The following TNIK variants were observed in gnomAD, a reference collection of about 807,000 sequenced individuals.
TNIK encodes TRAF2 and NCK-interacting protein kinase.
TNIK carries 49 observed loss-of-function variants against 191.3 expected under a neutral mutation model. The ratio of observed to expected loss-of-function variants is 0.26; its 90% confidence interval spans 0.20 to 0.32. The LOEUF (loss-of-function observed/expected upper bound fraction) is 0.32. Ranked by LOEUF, TNIK falls within the 10% of genes least tolerant of loss-of-function variation. TNIK has a pLI of 1.00. For synonymous variants in TNIK, 594 were observed against 600.9 expected, an observed-to-expected ratio of 0.99 and a Z score of 0.17; for missense variants, 1,155 against 1,702.3, an observed-to-expected ratio of 0.68 and a Z score of 5.66.
At chr3:171,199,071 C>A (rs1339082195) in intron 4 of TNIK, among the ~76,000 whole-genome samples, 1 of 152,110 alleles carries the variant, frequency 6.6e-6, no homozygotes, top group African/African-American at 2.4e-5. Flanking sequence ...CAGTAGGAAA[C>A]AATCCTACTC....
At chr3:171,301,101 G>A (rs189964766) in intron 2 of TNIK, among the ~76,000 whole-genome samples, 3 of 152,110 alleles carry the variant, frequency 2.0e-5, no homozygotes, top group Admixed American at 2.0e-4. Context: ...AATCTAGTGG[G>A]TACCAGTTTA....
chr3:171,137,386 A>T (rs550873203), intron 15 of TNIK, among the ~76,000 whole-genome samples: 1 of 152,284 alleles, frequency 6.6e-6, no homozygotes, highest in South Asian at 2.1e-4. Flanking sequence ...ACCAGCTATG[A>T]TCACCATAAA....
At chr3:171,131,405 G>GT in intron 15 of TNIK, among the ~76,000 whole-genome samples, 1 of 136,122 alleles carries the variant, frequency 7.3e-6, no homozygotes, top group Non-Finnish European at 1.5e-5. Flanking sequence ...TAGGGTACTG[G>GT]TTTTCACAGG....
At chr3:171,134,978 G>T (rs996570207) in intron 15 of TNIK, among the ~76,000 whole-genome samples, 8 of 152,204 alleles carry the variant, frequency 5.3e-5, no homozygotes, top group African/African-American at 1.9e-4. Flanking sequence ...GATTACAGAA[G>T]AGGTTGCAGT....
intron 1 of TNIK, among the ~76,000 whole-genome samples, chr3:171,383,835 A>G (rs925640211): frequency 2.0e-5 from 3 of 152,180 alleles, no homozygotes; most frequent in Non-Finnish European, 4.4e-5. Context: ...TAAAAACTAG[A>G]TTACATTCAA....
chr3:171,168,812 G>A (rs1041766783), intron 9 of TNIK, among the ~76,000 whole-genome samples: 1 of 152,162 alleles, frequency 6.6e-6, no homozygotes, highest in African/African-American at 2.4e-5. Context: ...CAACGTGCCT[G>A]AGCCATCTTT....
At chr3:171,314,298 C>A (rs1461536465) in intron 2 of TNIK, among the ~76,000 whole-genome samples, 1 of 152,174 alleles carries the variant, frequency 6.6e-6, no homozygotes, top group Non-Finnish European at 1.5e-5. Flanking sequence ...GCCTATCTGG[C>A]CTTCCCCCTC....
intron 1 of TNIK, among the ~76,000 whole-genome samples, chr3:171,447,622 A>G (rs1286393472): frequency 6.6e-6 from 1 of 152,214 alleles, no homozygotes; most frequent in Non-Finnish European, 1.5e-5. Flanking sequence ...GATTTTTCAG[A>G]GTCTTATGTG....
chr3:171,119,654 A>T (rs1428491543), intron 18 of TNIK, among the ~76,000 whole-genome samples: 1 of 152,142 alleles, frequency 6.6e-6, no homozygotes, highest in Non-Finnish European at 1.5e-5. Flanking sequence ...AGGGACATGT[A>T]TGAAGCTGGA....
intron 16 of TNIK, 98 bp downstream of exon 16, chr3:171,128,616 C>T: frequency 4.3e-6 from 6 of 1,390,832 alleles, no homozygotes; most frequent in Non-Finnish European, 5.7e-6. Flanking sequence ...ATAATTTGAT[C>T]CTGTGCCTGA....
chr3:171,333,334 T>G (rs1488447811), intron 2 of TNIK, among the ~76,000 whole-genome samples: 2 of 152,004 alleles, frequency 1.3e-5, no homozygotes, highest in African/African-American at 4.8e-5. Flanking sequence ...GGTGGGCAGA[T>G]CACCTGAGGT....
At chr3:171,155,537 G>A (rs751635891) in intron 12 of TNIK, among the ~76,000 whole-genome samples, 2 of 152,200 alleles carry the variant, frequency 1.3e-5, no homozygotes, top group African/African-American at 2.4e-5. Context: ...GCTGGCTGAC[G>A]TCTTCTGTGC....
chr3:171,261,383 C>T lies in TNIK; in HGVS notation c.124-33162G>A, dbSNP rs1418246822. On this transcript the variant is annotated intron_variant, in intron 2 of 32. Transcript: ENST00000436636. ...CAAGCAAAATCGATTGCTTCCTCTT[C>T]TCCTTATACATAATTTTAGTCACAA... is the stretch of plus-strand genomic sequence containing the variant. Among the ~76,000 whole-genome samples the T allele has an allele frequency of 4.6e-5, 7 of 152,148 alleles. No individual in the cohort carries two copies. In the South Asian group the frequency reaches 1.5e-3, roughly 32 times the overall value.
In TNIK at chr3:171,126,034, G is replaced by A. The variant is rs1728429641; in HGVS notation, c.1891C>T (p.His631Tyr). The change falls in exon 17 of 33, where the codon CAC (histidine) becomes TAC (tyrosine). Residue 631 changes from histidine (H) to tyrosine (Y), a missense_variant. Physicochemically the swap from His to Tyr is moderately conservative, Grantham distance 83. Around this residue, in one of 3 missense-constraint regions of TNIK, gnomAD observed 735 missense variants for 848.0 expected, o/e 0.87. Transcript: ENST00000436636. ...GFQEALNVTS[H>Y]RVEMPRQNSD... ...TTCTGGCGTGGCATCTCCACGCGGT[G>A]GGAGGTCACGTTCAGAGCCTCCTGA... 1 of 1,613,944 alleles carries A rather than the reference G, an allele frequency of 6.2e-7. No individual in the cohort carries two copies.
intron 1 of TNIK, among the ~76,000 whole-genome samples, chr3:171,455,406 CTTTTT>C (rs761736063): frequency 7.3e-6 from 1 of 137,502 alleles, no homozygotes; most frequent in East Asian, 2.1e-4. Flanking sequence ...ACCACACTGA[CTTTTT>C]TTTTTTTTTT....
Position 171,157,592 on chromosome 3 carries a change from C to A in TNIK, c.1089G>T (p.Glu363Asp). 6.4e-7 allele frequency: 1 copy of A among 1,557,150 alleles called. No individual in the cohort carries two copies. The highest frequency in any genetic ancestry group is 1.9e-5 in the Admixed American group (1 of 51,580). The change falls in exon 12 of 33, where the codon GAG becomes GAT. Residue 363 changes from glutamate (E) to aspartate (D), a missense_variant. Physicochemically the swap from Glu to Asp is conservative, Grantham distance 45 (BLOSUM62 2). Around this residue, in one of 3 missense-constraint regions of TNIK, gnomAD observed 735 missense variants for 848.0 expected, o/e 0.87. Transcript: ENST00000436636. ...DFLRLQLANK[E>D]RSEALRRQQL... ...GCTGCCTCCGTAGGGCCTCAGAACG[C>A]TCCTTGTTGGCCAGCTGCAGCCTCA...
At chr3:171,087,268 C>G in intron 24 of TNIK, 74 bp downstream of exon 24, 1 of 1,588,348 alleles carries the variant, frequency 6.3e-7, no homozygotes, top group Non-Finnish European at 8.6e-7. Context: ...AAGCCTCATT[C>G]TTGAAGAGAT....
chr3:171,102,440 T>C (rs1723731188), intron 21 of TNIK, among the ~76,000 whole-genome samples: 1 of 152,184 alleles, frequency 6.6e-6, no homozygotes, highest in Admixed American at 6.5e-5. Flanking sequence ...GATGATGTGG[T>C]ATTTAATCAC....
intron 2 of TNIK, among the ~76,000 whole-genome samples, chr3:171,242,037 G>T (rs1435353103): frequency 6.6e-6 from 1 of 151,676 alleles, no homozygotes; most frequent in Non-Finnish European, 1.5e-5. Flanking sequence ...AAGGGGGAGG[G>T]ATAGCATTAG....
Sources: allele counts gnomAD v4.1 joint callset (sites outside exome capture counted in the v4.1 genomes callset), GRCh38; gene constraint gnomAD v4.1.1; regional missense constraint gnomAD v4.1.1; transcripts MANE v1.5; gene names NCBI Gene and HGNC (gene_info 2026-07-23, HGNC 2026-07-21).